The following TRIM24 variants were observed in gnomAD, a reference collection of about 807,000 sequenced individuals.
TRIM24 encodes tripartite motif containing 24.
TRIM24 carries 29 observed loss-of-function variants against 123.9 expected under a neutral mutation model. That is an observed-to-expected ratio of 0.23 (90% CI 0.17 to 0.32). The LOEUF (loss-of-function observed/expected upper bound fraction) is 0.32, where lower values mean the gene tolerates loss of function less well. Among genes scored for constraint, TRIM24 ranks in the 10% least tolerant of loss-of-function variants. The pLI is 1.00. For missense variants in TRIM24, 932 were observed against 1,295.3 expected (o/e 0.72, Z 4.31); for synonymous variants, 456 against 461.1 (o/e 0.99, Z 0.14).
rs569873812 is a variant in TRIM24, at chr7:138,587,734, C to G, written c.*2783C>G. ...TATGGATGAGCAGACCACGTAGGAG[C>G]TAGGATTTACTCAGTTCCACCTCAC... is the stretch of plus-strand genomic sequence containing the variant. On this transcript the variant is annotated 3_prime_UTR_variant, in exon 19 of 19. Transcript: ENST00000343526. 5.4e-4 allele frequency: 83 copies of G among 152,318 alleles called. No homozygotes were observed. The highest frequency in any genetic ancestry group is 1.5e-3 in the African/African-American group (63 of 41,566). The allele number at this position is 152,318 out of a possible 1,614,324, so 9.4% of individuals were successfully genotyped here. A position where few individuals can be genotyped will look rare whatever the true frequency, so the allele number is the denominator to read the frequency against.
intron 1 of TRIM24, among the ~76,000 whole-genome samples, chr7:138,464,470 T>C (rs1417166296): frequency 6.6e-6 from 1 of 151,560 alleles, no homozygotes; most frequent in African/African-American, 2.4e-5. Flanking sequence ...TGGTAGGAAA[T>C]GATGGGGAGT....
rs181148465 is a variant in TRIM24, at chr7:138,574,223, A to G, written c.2014+581A>G. On this transcript the variant is annotated intron_variant, in intron 12 of 18. Transcript: ENST00000343526. ...GGGTCAAAATGTATTAGTGACAATA[A>G]GTAGCAATCACTCTTCTGGTGATTT... Among the ~76,000 whole-genome samples, 7 of 152,336 alleles carry G rather than the reference A, an allele frequency of 4.6e-5. No individual in the cohort carries two copies. In the East Asian group the frequency reaches 1.2e-3, roughly 25 times the overall value.
In TRIM24 at chr7:138,541,117, G is replaced by C. The variant is rs375255046; in HGVS notation, c.1143+2314G>C. On this transcript the variant is annotated intron_variant, in intron 7 of 18. Transcript: ENST00000343526. ...GGCCTCCCAAAGTGCTGGGATTACA[G>C]CATGAACCACTGCACCCAGCCGCAT... Among the ~76,000 whole-genome samples the C allele has an allele frequency of 4.7e-4, 72 of 152,268 alleles. 1 individual carries two copies. Among genetic ancestry groups the C allele is most frequent in the African/African-American group, 1.7e-3 (72 of 41,548 alleles).
intron 1 of TRIM24, among the ~76,000 whole-genome samples, chr7:138,487,554 AG>A (rs1460001972): frequency 1.3e-5 from 2 of 152,190 alleles, no homozygotes; most frequent in African/African-American, 2.4e-5. Flanking sequence ...TTTAGCATGA[AG>A]GGCTGTTGAA....
chr7:138,568,409 TAA>T (rs1234989923), intron 10 of TRIM24, among the ~76,000 whole-genome samples: 1 of 117,252 alleles, frequency 8.5e-6, no homozygotes, highest in African/African-American at 3.7e-5. Context: ...TTTTTTTTTT[TAA>T]AGTCTCTCTC....
rs544753851 is a variant in TRIM24 at position 138,579,188 on chromosome 7, T to A, written c.2257-16T>A. ...TTTTTTTAAAGCCAGTTAAATATAT[T>A]TTTTTTCTACTACAGGCCAATTATC... is the stretch of plus-strand genomic sequence containing the variant. On this transcript the variant is annotated splice_polypyrimidine_tract_variant and intron_variant, in intron 14 of 18. Transcript: ENST00000343526. 62 of 1,537,570 alleles carry A rather than the reference T, an allele frequency of 4.0e-5. No homozygotes were observed. The South Asian group carries it at 4.6e-4, about 11-fold the overall frequency.
rs1369070799 is a variant in TRIM24 at position 138,588,063 on chromosome 7, C to A, written c.*3112C>A. On this transcript the variant is annotated 3_prime_UTR_variant, in exon 19 of 19. Transcript: ENST00000343526. Reference sequence around the variant, plus strand: ...TTACTACTGCTATATTTTACTACCACATAGTAGTGTAGATGTAGTATAACT... The same window carrying A: ...TTACTACTGCTATATTTTACTACCAAATAGTAGTGTAGATGTAGTATAACT... The A allele has an allele frequency of 6.6e-6, 1 of 152,138 alleles. No homozygotes were observed. The highest frequency in any genetic ancestry group is 1.5e-5 in the Non-Finnish European group (1 of 68,030). The allele number at this position is 152,138 out of a possible 1,614,324, so 9.4% of individuals were successfully genotyped here. A position where few individuals can be genotyped will look rare whatever the true frequency, so the allele number is the denominator to read the frequency against.
intron 1 of TRIM24, among the ~76,000 whole-genome samples, chr7:138,473,665 G>C (rs1049580902): frequency 1.3e-5 from 2 of 152,154 alleles, no homozygotes; most frequent in African/African-American, 2.4e-5. Flanking sequence ...TTCTATCACT[G>C]TATGCTTACT....
chr7:138,485,157 C>A (rs754266516), intron 1 of TRIM24, among the ~76,000 whole-genome samples: 5 of 151,762 alleles, frequency 3.3e-5, no homozygotes, highest in Middle Eastern at 3.4e-3. Context: ...TTATTAATTT[C>A]CTTTTATTTG....
At chr7:138,497,637 C>T (rs201542307) in intron 1 of TRIM24, among the ~76,000 whole-genome samples, 4 of 151,802 alleles carry the variant, frequency 2.6e-5, no homozygotes, top group Non-Finnish European at 5.9e-5. Flanking sequence ...TCAGGTGATC[C>T]GTCCGCCTCG....
intron 7 of TRIM24, among the ~76,000 whole-genome samples, chr7:138,540,235 T>C (rs1796975201): frequency 1.3e-5 from 2 of 152,222 alleles, no homozygotes; most frequent in African/African-American, 4.8e-5. Flanking sequence ...TATCTTAAAA[T>C]AAGATGACAA....
rs1798015424 is a variant in TRIM24 at position 138,586,157 on chromosome 7, A to AG, written c.*1207dup. 1 of 326,668 alleles carries AG rather than the reference A, an allele frequency of 3.1e-6. No individual in the cohort carries two copies. Among genetic ancestry groups the AG allele is most frequent in the African/African-American group, 2.2e-5 (1 of 46,440 alleles). 20.2% of individuals were successfully genotyped at this position (326,668 alleles called of 1,614,324 possible). On this transcript the variant is annotated 3_prime_UTR_variant, in exon 19 of 19. Transcript: ENST00000343526. The stretch of plus-strand genomic sequence containing the variant: ...AGGACAAGCATATTCTTAATGTGCC[A>AG]GACCTACCCGGTTCAGCTGATATAG...
chr7:138,511,442 A>T (rs1796286589), intron 2 of TRIM24, among the ~76,000 whole-genome samples: 1 of 151,874 alleles, frequency 6.6e-6, no homozygotes, highest in Non-Finnish European at 1.5e-5. Context: ...CTGGGATTAC[A>T]GATGTGCAGC....
chr7:138,564,267 C>T (rs957051161), intron 9 of TRIM24, among the ~76,000 whole-genome samples: 1 of 152,158 alleles, frequency 6.6e-6, no homozygotes, highest in African/African-American at 2.4e-5. Flanking sequence ...ATAGCCCAAG[C>T]ATGACCAGAT....
At chr7:138,508,714 T>C (rs13235137) in intron 2 of TRIM24, among the ~76,000 whole-genome samples, 11 of 90,426 alleles carry the variant, frequency 1.2e-4, no homozygotes, top group African/African-American at 1.9e-4. Flanking sequence ...TGTGCGTGTG[T>C]GTGTGCGTGT....
intron 1 of TRIM24, among the ~76,000 whole-genome samples, chr7:138,495,018 A>G (rs1795871890): frequency 6.6e-6 from 1 of 152,226 alleles, no homozygotes; most frequent in Admixed American, 6.5e-5. Context: ...ACCAGGATGT[A>G]TTGTTAAGTG....
At chr7:138,529,321 T>C in intron 6 of TRIM24, 91 bp downstream of exon 6, 1 of 644,818 alleles carries the variant, frequency 1.6e-6, no homozygotes, top group Non-Finnish European at 2.4e-6. Context: ...TTTATATAGT[T>C]GTTTCATTGT....
chr7:138,531,608 A>G (rs183920160), intron 6 of TRIM24, among the ~76,000 whole-genome samples: 117 of 152,222 alleles, frequency 7.7e-4, no homozygotes, highest in Admixed American at 2.0e-3. Flanking sequence ...TTCTTAATCC[A>G]GTCTATCATT....
chr7:138,569,872 T>C (rs947016077), intron 10 of TRIM24, among the ~76,000 whole-genome samples: 6 of 152,160 alleles, frequency 3.9e-5, no homozygotes, highest in Admixed American at 1.3e-4. Flanking sequence ...ATTGAAAGAA[T>C]TATATAGGGA....
Sources: allele counts gnomAD v4.1 joint callset (sites outside exome capture counted in the v4.1 genomes callset), GRCh38; gene constraint gnomAD v4.1.1; transcripts MANE v1.5; gene names NCBI Gene and HGNC (gene_info 2026-07-23, HGNC 2026-07-21).